The following GRM1 variants were observed in gnomAD, a reference collection of about 807,000 sequenced individuals.
GRM1 encodes the protein metabotropic glutamate receptor 1.
In GRM1, 33 loss-of-function variants were observed where a neutral mutation model predicts 90.9. That is an observed-to-expected ratio of 0.36 (90% CI 0.28 to 0.49). GRM1 has a LOEUF of 0.49. Among genes scored for constraint, GRM1 ranks in the 20% least tolerant of loss-of-function variants. GRM1 has a pLI of 0.99. For missense variants in GRM1, 1,190 were observed against 1,534.3 expected (o/e 0.78, Z 3.75); for synonymous variants, 700 against 613.2 (o/e 1.14, Z -2.09).
chr6:146,244,623 G>A (rs1012620630), intron 2 of GRM1, among the ~76,000 whole-genome samples: 1 of 152,116 alleles, frequency 6.6e-6, no homozygotes, highest in African/African-American at 2.4e-5. Context: ...AGGGTTTTGG[G>A]GTAGCCTACG....
intron 2 of GRM1, among the ~76,000 whole-genome samples, chr6:146,182,353 G>A (rs931593682): frequency 2.0e-5 from 3 of 152,088 alleles, no homozygotes; most frequent in Non-Finnish European, 4.4e-5. Flanking sequence ...AACGACAGGT[G>A]GATGAAACTT....
At chr6:146,243,722 C>T (rs893281903) in intron 2 of GRM1, among the ~76,000 whole-genome samples, 4 of 152,070 alleles carry the variant, frequency 2.6e-5, no homozygotes, top group Non-Finnish European at 5.9e-5. Context: ...TCATTGATAA[C>T]ATCTTATCAG....
intron 2 of GRM1, among the ~76,000 whole-genome samples, chr6:146,262,196 G>A (rs1425414223): frequency 6.6e-6 from 1 of 151,866 alleles, no homozygotes; most frequent in Non-Finnish European, 1.5e-5. Flanking sequence ...AAAACAGTTT[G>A]TTGTTATCTG....
At chr6:146,307,554 A>G (rs1282166885) in intron 3 of GRM1, among the ~76,000 whole-genome samples, 1 of 152,140 alleles carries the variant, frequency 6.6e-6, no homozygotes, top group Non-Finnish European at 1.5e-5. Flanking sequence ...ATAAACTTTC[A>G]CTTCATGTAT....
chr6:146,290,492 C>T (rs1311532458), intron 2 of GRM1, among the ~76,000 whole-genome samples: 2 of 152,182 alleles, frequency 1.3e-5, no homozygotes, highest in Admixed American at 1.3e-4. Flanking sequence ...AAAAAGGAAG[C>T]ATGACTCAGA....
intron 1 of GRM1, among the ~76,000 whole-genome samples, chr6:146,043,963 T>C (rs1407908381): frequency 6.6e-6 from 1 of 151,572 alleles, no homozygotes; most frequent in Non-Finnish European, 1.5e-5. Flanking sequence ...GATGAGAAGA[T>C]CTAGTGTGTA....
chr6:146,196,979 G>A (rs1047661700), intron 2 of GRM1, among the ~76,000 whole-genome samples: 1 of 151,988 alleles, frequency 6.6e-6, no homozygotes, highest in South Asian at 2.1e-4. Flanking sequence ...TTGCAGTTGG[G>A]TTGGGGAAAT....
At chr6:146,219,171 G>T (rs1358659264) in intron 2 of GRM1, among the ~76,000 whole-genome samples, 1 of 152,156 alleles carries the variant, frequency 6.6e-6, no homozygotes, top group Non-Finnish European at 1.5e-5. Flanking sequence ...TTTAAATCAA[G>T]ATCTGGATGA....
At chr6:146,372,655 T>C (rs904415927) in intron 5 of GRM1, among the ~76,000 whole-genome samples, 2 of 144,866 alleles carry the variant, frequency 1.4e-5, no homozygotes, top group African/African-American at 5.7e-5. Context: ...GAGGTAGGGG[T>C]CTAGTTTCAT....
rs1778598452 is a variant in GRM1, at chr6:146,436,512, T to G, written c.*1716T>G. 1 of 152,212 alleles carries G rather than the reference T, an allele frequency of 6.6e-6. No individual in the cohort carries two copies. Among genetic ancestry groups the G allele is most frequent in the Non-Finnish European group, 1.5e-5 (1 of 68,022 alleles). The allele number at this position is 152,212 out of a possible 1,614,324, so 9.4% of individuals were successfully genotyped here. On this transcript the variant is annotated 3_prime_UTR_variant, in exon 8 of 8. Transcript: ENST00000282753. ...AACATACAGTAACATCTAACTCAGC[T>G]AATAATTTGTAAAATCTTTATCAAT...
At chr6:146,188,317 T>C (rs1778810651) in intron 2 of GRM1, among the ~76,000 whole-genome samples, 1 of 152,164 alleles carries the variant, frequency 6.6e-6, no homozygotes, top group Non-Finnish European at 1.5e-5. Flanking sequence ...CAAAAACAAT[T>C]TTAATGCCCT....
chr6:146,171,935 C>T, intron 2 of GRM1: 1 of 193,106 alleles, frequency 5.2e-6, no homozygotes, highest in Non-Finnish European at 1.1e-5. Context: ...CCTGCCTCTT[C>T]TTTTCCCATG....
chr6:146,426,672 G>A (rs986793996), intron 7 of GRM1: 1 of 1,101,514 alleles, frequency 9.1e-7, no homozygotes, highest in East Asian at 2.4e-5. Context: ...AAAATCTAGT[G>A]TTTTGCCCCT....
intron 1 of GRM1, among the ~76,000 whole-genome samples, chr6:146,139,872 GTTCCCTTCCCTTCCCTTCCCTTCCC>G (rs554971904): frequency 1.7e-3 from 189 of 110,064 alleles, no homozygotes; most frequent in Non-Finnish European, 3.1e-3. Flanking sequence ...TGGTTGCTTT[GTTCCCTTCCCTTCCCTTCCCTTCCC>G]TTCCCTTCCC....
intron 2 of GRM1, among the ~76,000 whole-genome samples, chr6:146,236,444 TC>T (rs1249734463): frequency 6.6e-6 from 1 of 152,164 alleles, no homozygotes; most frequent in African/African-American, 2.4e-5. Flanking sequence ...TTTTTGACAT[TC>T]CCCTAGGAGT....
chr6:146,158,223 T>C (rs1341349084), intron 1 of GRM1, among the ~76,000 whole-genome samples: 2 of 152,134 alleles, frequency 1.3e-5, no homozygotes, highest in Non-Finnish European at 2.9e-5. Flanking sequence ...ATAAGAGAGT[T>C]AAGGAATTTG....
intron 3 of GRM1, among the ~76,000 whole-genome samples, chr6:146,333,291 C>T (rs1784649699): frequency 6.6e-6 from 1 of 152,048 alleles, no homozygotes; most frequent in African/African-American, 2.4e-5. Context: ...AACAATGGCT[C>T]CTGGGATGTG....
At chr6:146,376,603 A>C (rs887366624) in intron 5 of GRM1, among the ~76,000 whole-genome samples, 4 of 152,004 alleles carry the variant, frequency 2.6e-5, no homozygotes, top group African/African-American at 9.7e-5. Context: ...ATGTCATCCC[A>C]GTGTCTCCTG....
At chr6:146,328,001 G>A (rs1338271127) in intron 3 of GRM1, among the ~76,000 whole-genome samples, 5 of 152,148 alleles carry the variant, frequency 3.3e-5, no homozygotes, top group African/African-American at 1.2e-4. Flanking sequence ...ACAGATTGTA[G>A]GATAGCTGCC....
Sources: gnomAD v4.1 joint callset for allele counts (sites outside exome capture counted in the v4.1 genomes callset) on GRCh38, gnomAD v4.1.1 for gene constraint, MANE v1.5 for transcripts, NCBI Gene and HGNC (gene_info 2026-07-23, HGNC 2026-07-21) for gene names.